Variants in BBS9 observed in about 807,000 individuals in gnomAD.
BBS9 encodes the protein Bardet-Biedl syndrome 9, also known as protein PTHB1.
A neutral mutation model predicts 117.7 loss-of-function variants in BBS9; 89 were observed. The observed-to-expected ratio is 0.76, with a 90% CI of 0.64 to 0.90. The LOEUF is 0.90. BBS9 is among the 40% of genes least tolerant of loss of function. The pLI, the probability that BBS9 is intolerant of heterozygous loss-of-function variation, is 0.00. For missense variants in BBS9, 982 were observed against 1,042.2 expected (o/e 0.94, Z 0.80); for synonymous variants, 379 against 370.9 (o/e 1.02, Z -0.25).
chr7:33,634,141 C>T (rs1248806337), intron 21 of BBS9, among the ~76,000 whole-genome samples: 2 of 152,250 alleles, frequency 1.3e-5, no homozygotes, highest in African/African-American at 4.8e-5. Context: ...TGGAAACCTG[C>T]AGACTCCCTG....
chr7:33,572,907 T>C (rs185863311), intron 21 of BBS9, among the ~76,000 whole-genome samples: 6 of 152,216 alleles, frequency 3.9e-5, no homozygotes, highest in African/African-American at 1.4e-4. Context: ...ATTCAGTGGT[T>C]ATACTTCACT....
intron 19 of BBS9, among the ~76,000 whole-genome samples, chr7:33,492,383 CA>C (rs1265064305): frequency 6.6e-6 from 1 of 151,930 alleles, no homozygotes; most frequent in Non-Finnish European, 1.5e-5. Context: ...TTGTCTCTTA[CA>C]AAGGAGAAAA....
chr7:33,174,520 G>A (rs1281355429), intron 4 of BBS9, among the ~76,000 whole-genome samples: 2 of 152,158 alleles, frequency 1.3e-5, no homozygotes, highest in East Asian at 1.9e-4. Context: ...AATGGAATGA[G>A]GTACAGAAAC....
intron 19 of BBS9, 88 bp downstream of exon 19, chr7:33,388,232 G>A (rs1826392915): frequency 1.3e-6 from 2 of 1,487,140 alleles, no homozygotes; most frequent in Non-Finnish European, 1.9e-6. Context: ...TCCAAGATAA[G>A]GTACTCATTT....
At chr7:33,622,816 G>C (rs149774331) in intron 21 of BBS9, among the ~76,000 whole-genome samples, 99 of 152,302 alleles carry the variant, frequency 6.5e-4, no homozygotes, top group African/African-American at 2.0e-3. Flanking sequence ...TTGCAGATCA[G>C]TGGGTAAAAA....
intron 5 of BBS9, among the ~76,000 whole-genome samples, chr7:33,179,474 T>C (rs893717499): frequency 6.6e-6 from 1 of 152,122 alleles, no homozygotes; most frequent in African/African-American, 2.4e-5. Context: ...GAGATTCTCA[T>C]AGGAGCACAA....
chr7:33,258,175 T>A (rs888824328), intron 6 of BBS9, among the ~76,000 whole-genome samples: 1 of 152,202 alleles, frequency 6.6e-6, no homozygotes, highest in Non-Finnish European at 1.5e-5. Flanking sequence ...AGGTTTTCAG[T>A]GCCTTTAGTA....
Position 33,152,836 on chromosome 7 carries a change from T to G in BBS9, c.248T>G (p.Val83Gly). 1 of 1,614,048 alleles carries G rather than the reference T, an allele frequency of 6.2e-7. No homozygotes were observed. The highest frequency in any genetic ancestry group is 8.5e-7 in the Non-Finnish European group (1 of 1,179,962). The change falls in exon 3 of 23, where the codon GTA (valine) becomes GGA (glycine). Residue 83 changes from valine to glycine, a missense_variant. Transcript: ENST00000242067. Reference sequence around the variant, plus strand: ...CGAGATCCAGTACTTCAAGTGGAAGTAGGAAAGTTTGTTTCGTAAGTAAGC... The same window carrying G: ...CGAGATCCAGTACTTCAAGTGGAAGGAGGAAAGTTTGTTTCGTAAGTAAGC... ...DLRDPVLQVE[V>G]GKFVSGTEML...
chr7:33,130,453 C>T (rs1228651244), intron 1 of BBS9, among the ~76,000 whole-genome samples: 3 of 152,142 alleles, frequency 2.0e-5, no homozygotes, highest in Non-Finnish European at 4.4e-5. Flanking sequence ...AGATGAGCTG[C>T]GCTGATTTTA....
chr7:33,391,647 A>G (rs1189989718), intron 19 of BBS9, among the ~76,000 whole-genome samples: 3 of 151,944 alleles, frequency 2.0e-5, no homozygotes, highest in Admixed American at 2.0e-4. Flanking sequence ...TTAATTGGCC[A>G]TTTGTATTTC....
chr7:33,144,066 C>A (rs1362082442), intron 1 of BBS9, among the ~76,000 whole-genome samples: 2 of 152,004 alleles, frequency 1.3e-5, no homozygotes, highest in Non-Finnish European at 2.9e-5. Flanking sequence ...ATCACAACAC[C>A]ACTCTTACCT....
At chr7:33,592,751 G>A (rs923532574) in intron 21 of BBS9, among the ~76,000 whole-genome samples, 2 of 152,042 alleles carry the variant, frequency 1.3e-5, no homozygotes, top group African/African-American at 2.4e-5. Context: ...GCTTTTAATT[G>A]GGATGTGGAA....
chr7:33,271,718 A>G (rs1799830980), intron 7 of BBS9, among the ~76,000 whole-genome samples: 1 of 152,190 alleles, frequency 6.6e-6, no homozygotes, highest in South Asian at 2.1e-4. Context: ...ACAATTTCAT[A>G]GAGACCTACT....
At chr7:33,417,120 T>A (rs1832139128) in intron 19 of BBS9, among the ~76,000 whole-genome samples, 1 of 152,214 alleles carries the variant, frequency 6.6e-6, no homozygotes, top group East Asian at 1.9e-4. Flanking sequence ...TTGTTAGATT[T>A]TGGGTCTGGT....
intron 19 of BBS9, among the ~76,000 whole-genome samples, chr7:33,447,856 A>C (rs1281376417): frequency 6.6e-6 from 1 of 152,176 alleles, no homozygotes; most frequent in African/African-American, 2.4e-5. Flanking sequence ...AGATGGATAT[A>C]TGTTGTTCAG....
intron 21 of BBS9, among the ~76,000 whole-genome samples, chr7:33,558,806 A>G (rs538917785): frequency 6.6e-6 from 1 of 152,314 alleles, no homozygotes; most frequent in Admixed American, 6.5e-5. Flanking sequence ...AAGTGGAGAG[A>G]GTAGAAAAGT....
At chr7:33,569,564 G>A (rs545625182) in intron 21 of BBS9, among the ~76,000 whole-genome samples, 1 of 151,648 alleles carries the variant, frequency 6.6e-6, no homozygotes, top group East Asian at 1.9e-4. Flanking sequence ...GACCATCCTG[G>A]CTATGGTGAA....
chr7:33,436,112 G>T (rs1835271781), intron 19 of BBS9, among the ~76,000 whole-genome samples: 1 of 152,154 alleles, frequency 6.6e-6, no homozygotes, highest in African/African-American at 2.4e-5. Context: ...TTCCAAGTAG[G>T]TTGCTGTACT....
At chr7:33,354,839 T>C (rs912101659) in intron 15 of BBS9, among the ~76,000 whole-genome samples, 20 of 152,018 alleles carry the variant, frequency 1.3e-4, no homozygotes, top group African/African-American at 4.8e-4. Flanking sequence ...TTGTGATTAA[T>C]TGCACCATAG....
Sources: gnomAD v4.1 joint callset for allele counts (sites outside exome capture counted in the v4.1 genomes callset) on GRCh38, gnomAD v4.1.1 for gene constraint, MANE v1.5 for transcripts, NCBI Gene and HGNC (gene_info 2026-07-23, HGNC 2026-07-21) for gene names.